HIP1: variants seen among roughly 807,000 people sequenced by gnomAD.
The protein encoded by HIP1 is huntingtin-interacting protein 1.
A neutral mutation model predicts 147.6 loss-of-function variants in HIP1; 65 were observed. The observed-to-expected ratio is 0.44, with a 90% CI of 0.36 to 0.54. HIP1 has a LOEUF of 0.54. Among genes scored for constraint, HIP1 ranks in the 20% least tolerant of loss-of-function variants. HIP1 has a pLI of 0.00. For missense variants in HIP1, 1,061 were observed against 1,299.6 expected, an observed-to-expected ratio of 0.82 and a Z score of 2.82; for synonymous variants, 479 against 504.0, an observed-to-expected ratio of 0.95 and a Z score of 0.67.
At chr7:75,585,467 C>T (rs1156640560) in intron 5 of HIP1, among the ~76,000 whole-genome samples, 1 of 152,010 alleles carries the variant, frequency 6.6e-6, no homozygotes, top group Non-Finnish European at 1.5e-5. Context: ...TGAGCCACTG[C>T]GCCCAACCCC....
At chr7:75,554,948 G>A (rs1794932882) in intron 19 of HIP1, among the ~76,000 whole-genome samples, 1 of 152,028 alleles carries the variant, frequency 6.6e-6, no homozygotes, top group Non-Finnish European at 1.5e-5. Context: ...GCTCATGCCT[G>A]TAATCCCAGC....
At chr7:75,665,545 C>G (rs1473491124) in intron 1 of HIP1, among the ~76,000 whole-genome samples, 1 of 134,082 alleles carries the variant, frequency 7.5e-6, no homozygotes, top group African/African-American at 2.8e-5. Flanking sequence ...TTTCCGTAGT[C>G]ATTTTTTTTT....
rs781839824 is a variant in HIP1, at chr7:75,546,933, G to A, written c.2559+6C>T. On this transcript the variant is annotated splice_donor_region_variant and intron_variant, in intron 25 of 30. Coordinates refer to ENST00000336926, the MANE Select transcript of HIP1 (RefSeq NM_005338.7). ...CTTCCTGCCCAGGGCCCACACCCAC[G>A]CTCACCCTGCCGCTCTCCACAATCT... 1.2e-5 allele frequency: 18 copies of A among 1,557,410 alleles called. No individual in the cohort carries two copies. The highest frequency in any genetic ancestry group is 7.1e-5 in the East Asian group (3 of 42,218).
intron 2 of HIP1, among the ~76,000 whole-genome samples, chr7:75,594,650 T>C (rs1282125225): frequency 6.6e-6 from 1 of 152,092 alleles, no homozygotes; most frequent in Non-Finnish European, 1.5e-5. Context: ...GGTGCATGCC[T>C]GTAATCCCAC....
At chr7:75,541,682 C>T (rs952587600) in intron 29 of HIP1, among the ~76,000 whole-genome samples, 3 of 149,426 alleles carry the variant, frequency 2.0e-5, no homozygotes, top group Non-Finnish European at 4.4e-5. Flanking sequence ...GGCGACAGGA[C>T]GAGACTCCGT....
At position 75,563,170 on chromosome 7, in the gene HIP1, G is replaced by A. The variant is rs1320679211; in HGVS notation, c.879+18C>T. The stretch of plus-strand genomic sequence containing the variant: ...GGGGCCTCTGCAGTGCCGAGGGTGT[G>A]TGGTTGGGCATGCTTACCTCAGGCA... On this transcript the variant is annotated intron_variant, in intron 10 of 30. Transcript: ENST00000336926. 1.3e-5 allele frequency: 21 copies of A among 1,614,024 alleles called. No individual in the cohort carries two copies. The highest frequency in any genetic ancestry group is 1.7e-5 in the Non-Finnish European group (20 of 1,179,962).
intron 1 of HIP1, among the ~76,000 whole-genome samples, chr7:75,734,245 CAAAT>C (rs57376870): frequency 0.036 from 5,076 of 140,218 alleles, 141 homozygotes; most frequent in African/African-American, 0.076. Context: ...GACTCTGTCT[CAAAT>C]AAATAAATAA....
intron 1 of HIP1, among the ~76,000 whole-genome samples, chr7:75,702,359 C>T (rs562677897): frequency 5.9e-5 from 9 of 152,172 alleles, no homozygotes; most frequent in South Asian, 2.1e-4. Context: ...CTGCCTGCCT[C>T]GGCCTCCCAA....
intron 5 of HIP1, among the ~76,000 whole-genome samples, chr7:75,582,636 C>T (rs994987165): frequency 6.6e-6 from 1 of 151,884 alleles, no homozygotes; most frequent in Non-Finnish European, 1.5e-5. Context: ...ATGGCAAAAC[C>T]CTGTCTCAAC....
At chr7:75,617,073 ATT>A (rs71519374) in intron 1 of HIP1, among the ~76,000 whole-genome samples, 2,269 of 123,472 alleles carry the variant, frequency 0.018, 23 homozygotes, top group East Asian at 0.068. Context: ...CACCCAGCTA[ATT>A]TTTTTTTTTT....
intron 15 of HIP1, 77 bp from the exon 16 acceptor site, chr7:75,557,847 C>T (rs1296583495): frequency 1.8e-6 from 2 of 1,115,642 alleles, no homozygotes; most frequent in East Asian, 2.3e-5. Flanking sequence ...CAATCATACT[C>T]AGGCTGTGCG....
intron 1 of HIP1, among the ~76,000 whole-genome samples, chr7:75,630,871 T>C (rs1554508767): frequency 1.3e-5 from 2 of 152,240 alleles, no homozygotes; most frequent in African/African-American, 2.4e-5. Flanking sequence ...ATTTTATTTG[T>C]AGCCTAAATG....
chr7:75,585,373 G>T (rs972424737), intron 5 of HIP1, among the ~76,000 whole-genome samples: 10 of 151,472 alleles, frequency 6.6e-5, no homozygotes, highest in African/African-American at 2.2e-4. Context: ...ACGGAGTTTT[G>T]CCATGTTGGC....
intron 5 of HIP1, among the ~76,000 whole-genome samples, chr7:75,585,416 T>C (rs1554499376): frequency 6.6e-6 from 1 of 152,064 alleles, no homozygotes; most frequent in Non-Finnish European, 1.5e-5. Context: ...CCTCAGACGA[T>C]CCGCCCGCCT....
chr7:75,554,027 G>T, intron 21 of HIP1, 86 bp downstream of exon 21: 1 of 951,046 alleles, frequency 1.1e-6, no homozygotes, highest in South Asian at 1.4e-5. Flanking sequence ...TTACAGGCAT[G>T]AGCCACTGCG....
chr7:75,599,759 T>C (rs1465677244), intron 1 of HIP1, among the ~76,000 whole-genome samples: 1 of 152,082 alleles, frequency 6.6e-6, no homozygotes, highest in Non-Finnish European at 1.5e-5. Flanking sequence ...TTCCAACTTC[T>C]AAGCAAATTC....
intron 1 of HIP1, among the ~76,000 whole-genome samples, chr7:75,706,083 T>TG (rs1800984357): frequency 6.6e-6 from 1 of 151,932 alleles, no homozygotes; most frequent in Admixed American, 6.6e-5. Flanking sequence ...TTAGTAGAGA[T>TG]GGGGTTTCAC....
intron 1 of HIP1, among the ~76,000 whole-genome samples, chr7:75,648,749 A>G (rs910606389): frequency 6.6e-6 from 1 of 152,074 alleles, no homozygotes; most frequent in Non-Finnish European, 1.5e-5. Context: ...GTGGGAAGGA[A>G]GGCGGCACAG....
intron 1 of HIP1, among the ~76,000 whole-genome samples, chr7:75,660,453 C>T (rs1371358509): frequency 2.0e-5 from 3 of 151,700 alleles, no homozygotes; most frequent in Non-Finnish European, 4.4e-5. Flanking sequence ...CTTGAACCCA[C>T]GAGGCAGAGG....
Sources: gnomAD v4.1 joint callset for allele counts (sites outside exome capture counted in the v4.1 genomes callset) on GRCh38, gnomAD v4.1.1 for gene constraint, MANE v1.5 for transcripts, NCBI Gene and HGNC (gene_info 2026-07-23, HGNC 2026-07-21) for gene names.